Variants in DAG1 observed in about 807,000 individuals in gnomAD.
The protein encoded by DAG1 is dystroglycan 1.
DAG1 carries 8 observed loss-of-function variants against 46.1 expected under a neutral mutation model. The observed-to-expected ratio is 0.17, with a 90% confidence interval of 0.10 to 0.31. The LOEUF is 0.31. Ranked by LOEUF, DAG1 falls within the 10% of genes least tolerant of loss-of-function variation. The pLI, the probability that DAG1 is intolerant of heterozygous loss-of-function variation, is 1.00. For missense variants in DAG1, 1,003 were observed against 1,189.9 expected (o/e 0.84, Z 2.31); for synonymous variants, 495 against 481.8 (o/e 1.03, Z -0.36).
Position 49,533,554 on chromosome 3 carries a change from CT to C in DAG1, c.*356del. 1 of 470,374 alleles carries C rather than the reference CT, an allele frequency of 2.1e-6. No individual in the cohort carries two copies. The highest frequency in any genetic ancestry group is 4.0e-6 in the Non-Finnish European group (1 of 250,734). 29.1% of individuals were successfully genotyped at this position (470,374 alleles called of 1,614,324 possible). A position where few individuals can be genotyped will look rare whatever the true frequency, so the allele number is the denominator to read the frequency against. ...CTCGCAGGCAGTGCCGGGCGGCCCCCTGGCTCTCTGCGTTTTGCCTTTAACA... is the reference window on the plus strand; with the variant it reads ...CTCGCAGGCAGTGCCGGGCGGCCCCCGGCTCTCTGCGTTTTGCCTTTAACA... On this transcript the variant is annotated 3_prime_UTR_variant, in exon 3 of 3. Transcript: ENST00000308775.
intron 1 of DAG1, among the ~76,000 whole-genome samples, chr3:49,502,638 CT>C (rs66475946): frequency 0.61 from 68,379 of 112,442 alleles, 18,740 homozygotes; most frequent in East Asian, 0.92. Flanking sequence ...CTTTAACTTT[CT>C]TTTTTTTTTT....
intron 1 of DAG1, among the ~76,000 whole-genome samples, chr3:49,505,836 T>C (rs2050591752): frequency 1.5e-5 from 1 of 65,070 alleles, no homozygotes; most frequent in African/African-American, 4.4e-5. Context: ...GCTAATTTTG[T>C]ATTTTTTTTT....
At chr3:49,507,939 T>G (rs1384553471) in intron 1 of DAG1, among the ~76,000 whole-genome samples, 1 of 152,118 alleles carries the variant, frequency 6.6e-6, no homozygotes, top group Non-Finnish European at 1.5e-5. Context: ...GATTCATATT[T>G]GTCTGTGTAG....
chr3:49,495,678 T>G (rs532488862), intron 1 of DAG1, among the ~76,000 whole-genome samples: 1 of 152,006 alleles, frequency 6.6e-6, no homozygotes, highest in African/African-American at 2.4e-5. Context: ...TCCCAGCACT[T>G]TGGGAGGCTG....
chr3:49,484,557 G>A (rs2049969104), intron 1 of DAG1, among the ~76,000 whole-genome samples: 1 of 152,142 alleles, frequency 6.6e-6, no homozygotes, highest in African/African-American at 2.4e-5. Context: ...CTTTCTTCCT[G>A]TGGAGGGCTC....
chr3:49,502,976 GT>G (rs777984831), intron 1 of DAG1, among the ~76,000 whole-genome samples: 1 of 152,242 alleles, frequency 6.6e-6, no homozygotes, highest in African/African-American at 2.4e-5. Flanking sequence ...ACTTGTTTTA[GT>G]TTTTTTAATT....
At chr3:49,500,243 C>A (rs545214026) in intron 1 of DAG1, among the ~76,000 whole-genome samples, 1 of 152,266 alleles carries the variant, frequency 6.6e-6, no homozygotes, top group African/African-American at 2.4e-5. Context: ...GAACTCCTGA[C>A]CTCGTGATCT....
At chr3:49,510,149 A>G (rs889924324) in intron 1 of DAG1, 4 of 451,754 alleles carry the variant, frequency 8.9e-6, no homozygotes, top group South Asian at 5.2e-5. Flanking sequence ...TCAGTTTGCA[A>G]TCAATATTTT....
chr3:49,520,752 A>T (rs2051006345), intron 2 of DAG1, among the ~76,000 whole-genome samples: 1 of 152,212 alleles, frequency 6.6e-6, no homozygotes, highest in South Asian at 2.1e-4. Context: ...ATGCTCACCA[A>T]ATCAGTTTCT....
intron 1 of DAG1, among the ~76,000 whole-genome samples, chr3:49,500,026 G>A (rs2050404597): frequency 6.7e-6 from 1 of 149,082 alleles, no homozygotes; most frequent in South Asian, 2.1e-4. Flanking sequence ...CCAGTCTGGA[G>A]TGCACTGGTG....
At chr3:49,521,905 G>A (rs1189173977) in intron 2 of DAG1, among the ~76,000 whole-genome samples, 12 of 151,418 alleles carry the variant, frequency 7.9e-5, no homozygotes, top group African/African-American at 1.7e-4. Context: ...GCTGGAGTGC[G>A]GTGGCACGAT....
At chr3:49,479,055 C>T (rs1164737257) in intron 1 of DAG1, among the ~76,000 whole-genome samples, 1 of 151,904 alleles carries the variant, frequency 6.6e-6, no homozygotes, top group African/African-American at 2.4e-5. Context: ...GATCCTCCCA[C>T]CTCAGCCTCC....
chr3:49,483,368 C>T (rs530674895), intron 1 of DAG1, among the ~76,000 whole-genome samples: 1 of 151,970 alleles, frequency 6.6e-6, no homozygotes, highest in Non-Finnish European at 1.5e-5. Context: ...CCACACCTGG[C>T]TAATTTTTGT....
In DAG1 at chr3:49,532,099, A is replaced by G. The variant is rs1312376714; in HGVS notation, c.1588A>G (p.Thr530Ala). ...SDTFYDHEDT[T>A]TDKLKLTLKL... ...CACTTTCTATGACCATGAGGACACC[A>G]CCACTGACAAGCTGAAGCTGACCCT... The change falls in exon 3 of 3, where the codon ACC (threonine) becomes GCC (alanine). Residue 530 changes from threonine (T) to alanine (A), a missense_variant. Physicochemically the swap from Thr to Ala is moderately conservative, Grantham distance 58. Coordinates refer to ENST00000308775, the MANE Select transcript of DAG1 (RefSeq NM_004393.6). The surrounding 1 kb of genome is among the most constrained non-coding windows in gnomAD (Gnocchi z 5.4). 1 of 1,614,062 alleles carries G rather than the reference A, an allele frequency of 6.2e-7. No individual in the cohort carries two copies. Among genetic ancestry groups the G allele is most frequent in the Non-Finnish European group, 8.5e-7 (1 of 1,180,040 alleles).
At chr3:49,469,651 C>G (rs577568671), upstream of DAG1, among the ~76,000 whole-genome samples, 88 of 152,300 alleles carry the variant, frequency 5.8e-4, no homozygotes, top group African/African-American at 2.0e-3. Context: ...GGGCGAGGCT[C>G]TAGGAGATGA....
intron 1 of DAG1, among the ~76,000 whole-genome samples, chr3:49,483,775 A>G (rs2049946005): frequency 6.6e-6 from 1 of 152,104 alleles, no homozygotes; most frequent in African/African-American, 2.4e-5. Context: ...CCTAGGGTCA[A>G]GCAATCCTCC....
chr3:49,470,147 G>GCGCGCGGACAGCCAGTCGGCGC (rs1559541395), upstream of DAG1: 3 of 151,282 alleles, frequency 2.0e-5, no homozygotes, highest in South Asian at 2.1e-4. Flanking sequence ...GAAGCCGGCG[G>GCGCGCGGACAGCCAGTCGGCGC]CGCGCGGACA....
rs892847538 is a variant in DAG1, at chr3:49,495,150, C to G, written c.-116-15269C>G. Among the ~76,000 whole-genome samples, 4 of 152,242 alleles carry G rather than the reference C, an allele frequency of 2.6e-5. No individual in the cohort carries two copies. The East Asian group carries it at 7.7e-4, about 29-fold the overall frequency. ...CCAGTAGACACTGATCATCCAGCCC[C>G]CACAGGGTAGCCCCACTGTACCTTT... On this transcript the variant is annotated intron_variant, in intron 1 of 2. Coordinates refer to ENST00000308775, the MANE Select transcript of DAG1 (RefSeq NM_004393.6).
chr3:49,514,436 A>G (rs1000092741), intron 2 of DAG1, among the ~76,000 whole-genome samples: 1 of 152,158 alleles, frequency 6.6e-6, no homozygotes, highest in Non-Finnish European at 1.5e-5. Context: ...ACGTCTTAAC[A>G]TATTAGACAG....
Sources: gnomAD v4.1 joint callset for allele counts (sites outside exome capture counted in the v4.1 genomes callset) on GRCh38, gnomAD v4.1.1 for gene constraint, Gnocchi (gnomAD v3.1) non-coding constraint, MANE v1.5 for transcripts, NCBI Gene and HGNC (gene_info 2026-07-23, HGNC 2026-07-21) for gene names.